The following CLEC6A variants were observed in gnomAD, a reference collection of about 807,000 sequenced individuals.
The protein encoded by CLEC6A is C-type lectin domain containing 6A.
CLEC6A carries 22 observed loss-of-function variants against 25.7 expected under a neutral mutation model. The observed-to-expected ratio is 0.85, with a 90% CI of 0.61 to 1.22. CLEC6A has a LOEUF of 1.22. Ranked by LOEUF, CLEC6A falls within the 50% of genes most tolerant of loss-of-function variation. The pLI is 0.00. For missense variants in CLEC6A, 240 were observed against 236.8 expected, an observed-to-expected ratio of 1.01 and a Z score of -0.09; for synonymous variants, 92 against 76.7, an observed-to-expected ratio of 1.20 and a Z score of -1.04.
intron 4 of CLEC6A, among the ~76,000 whole-genome samples, chr12:8,472,872 T>C (rs1418764468): frequency 6.6e-6 from 1 of 152,106 alleles, no homozygotes; most frequent in Non-Finnish European, 1.5e-5. Context: ...AGTGTAGTAC[T>C]CAATAGTTAG....
Position 8,459,651 on chromosome 12 carries a change from C to A in CLEC6A, c.176C>A (p.Ser59Ter), listed in dbSNP as rs769178216. The A allele has an allele frequency of 4.3e-6, 7 of 1,613,572 alleles. No individual in the cohort carries two copies. The African/African-American group carries it at 9.3e-5, about 22-fold the overall frequency. The change falls in exon 3 of 6, where the codon TCA becomes TAA. Residue 59 changes from serine to a stop codon, truncating the protein, a stop_gained. Coordinates refer to ENST00000382073, the MANE Select transcript of CLEC6A (RefSeq NM_001007033.2). LOFTEE classifies it high-confidence loss of function. ...GGCAAAAGGCTGTCTGAACTACACT[C>A]ATATCATTCAAGTCTCACCTGCTTC... ...ETGKRLSELH[S>*]YHSSLTCFSE...
At position 8,457,886 on chromosome 12, in the gene CLEC6A, C is replaced by T; in HGVS notation, c.32-12C>T. 5 of 1,609,940 alleles carry T rather than the reference C, an allele frequency of 3.1e-6. No individual in the cohort carries two copies. The highest frequency in any genetic ancestry group is 2.2e-5 in the East Asian group (1 of 44,844). On this transcript the variant is annotated splice_polypyrimidine_tract_variant and intron_variant, in intron 1 of 5. Coordinates refer to ENST00000382073, the MANE Select transcript of CLEC6A (RefSeq NM_001007033.2). ...CCTGGTAACTGCATTTGTTGTCTTC[C>T]TGATTGGACAGAGAAAAGAGGCTGG...
At chr12:8,462,513 T>G (rs1456724545) in intron 3 of CLEC6A, among the ~76,000 whole-genome samples, 2 of 140,596 alleles carry the variant, frequency 1.4e-5, no homozygotes, top group African/African-American at 5.2e-5. Context: ...AAAACCGCCT[T>G]AGGGCTGGAG....
intron 3 of CLEC6A, among the ~76,000 whole-genome samples, chr12:8,462,229 A>T (rs1473496996): frequency 7.0e-4 from 101 of 143,802 alleles, no homozygotes; most frequent in South Asian, 2.3e-3. Flanking sequence ...ACACTGCGGA[A>T]GGCCGCAGGG....
chr12:8,460,860 C>A, intron 3 of CLEC6A: 1 of 902,384 alleles, frequency 1.1e-6, no homozygotes, highest in Non-Finnish European at 1.9e-6. Context: ...GTACAACTTA[C>A]CGCAAGCCTG....
chr12:8,475,535 C>T (rs1318868226), intron 4 of CLEC6A, among the ~76,000 whole-genome samples: 1 of 151,844 alleles, frequency 6.6e-6, no homozygotes, highest in Non-Finnish European at 1.5e-5. Context: ...CCAGGGGAAC[C>T]AATGGTGTAA....
intron 3 of CLEC6A, chr12:8,461,072 C>G: frequency 3.8e-6 from 6 of 1,595,844 alleles, no homozygotes; most frequent in Non-Finnish European, 5.1e-6. Context: ...CAGTGGATCA[C>G]CAAACCAGTC....
chr12:8,468,853 A>C (rs975830334), intron 4 of CLEC6A, among the ~76,000 whole-genome samples: 3 of 152,158 alleles, frequency 2.0e-5, no homozygotes, highest in Non-Finnish European at 4.4e-5. Context: ...GAAAAGTTAA[A>C]ATCATTCCCC....
intron 4 of CLEC6A, among the ~76,000 whole-genome samples, chr12:8,469,678 T>C (rs1349228611): frequency 6.6e-6 from 1 of 152,076 alleles, no homozygotes; most frequent in Non-Finnish European, 1.5e-5. Context: ...AAACGTAAAG[T>C]GGGAAAAGGA....
intron 3 of CLEC6A, among the ~76,000 whole-genome samples, chr12:8,464,182 CACTT>C (rs1939799283): frequency 6.6e-6 from 1 of 151,812 alleles, no homozygotes; most frequent in Non-Finnish European, 1.5e-5. Flanking sequence ...GGTTTTTAAT[CACTT>C]AATATGTAAT....
At chr12:8,457,371 G>A (rs1939691457) in intron 1 of CLEC6A, among the ~76,000 whole-genome samples, 1 of 152,144 alleles carries the variant, frequency 6.6e-6, no homozygotes, top group East Asian at 1.9e-4. Flanking sequence ...GATGTCCTCT[G>A]GTTCCATCTG....
rs1555116229 is a variant in CLEC6A, at chr12:8,459,627, G to A, written c.152G>A (p.Gly51Asp). Reference protein sequence around the residue: ...VTYHFTYGETGKRLSELHSYH... With the variant: ...VTYHFTYGETDKRLSELHSYH... ...TACCATTTTACATATGGTGAAACTG[G>A]CAAAAGGCTGTCTGAACTACACTCA... The change falls in exon 3 of 6, where the codon GGC becomes GAC. Residue 51 changes from glycine to aspartate, a missense_variant. Transcript: ENST00000382073. 3 of 1,612,388 alleles carry A rather than the reference G, an allele frequency of 1.9e-6. No homozygotes were observed. The highest frequency in any genetic ancestry group is 2.5e-6 in the Non-Finnish European group (3 of 1,178,516).
chr12:8,465,744 T>C (rs1017825572), intron 4 of CLEC6A, 115 bp downstream of exon 4: 52 of 808,084 alleles, frequency 6.4e-5, no homozygotes, highest in Admixed American at 1.7e-4. Context: ...TTCACATTAC[T>C]GGGTAACAGA....
At chr12:8,469,203 A>C (rs1325702076) in intron 4 of CLEC6A, among the ~76,000 whole-genome samples, 1 of 152,158 alleles carries the variant, frequency 6.6e-6, no homozygotes, top group Non-Finnish European at 1.5e-5. Context: ...GCAAAACAAA[A>C]ATATTTAGGA....
chr12:8,474,827 A>G (rs1304157079), intron 4 of CLEC6A, among the ~76,000 whole-genome samples: 5 of 152,188 alleles, frequency 3.3e-5, no homozygotes, highest in Non-Finnish European at 7.3e-5. Flanking sequence ...GACTATAGTT[A>G]AAACCTAGTG....
chr12:8,462,168 G>C (rs1565482195), intron 3 of CLEC6A, among the ~76,000 whole-genome samples: 1 of 151,830 alleles, frequency 6.6e-6, no homozygotes. Flanking sequence ...AAGGCAGCAT[G>C]CTCCTTAAGA....
intron 4 of CLEC6A, among the ~76,000 whole-genome samples, chr12:8,472,070 G>A (rs1939912513): frequency 6.6e-6 from 1 of 151,704 alleles, no homozygotes; most frequent in Non-Finnish European, 1.5e-5. Flanking sequence ...TTACATTTAG[G>A]CATCAAAAAA....
In CLEC6A at chr12:8,478,329, A is replaced by G. The variant is rs1940006577; in HGVS notation, c.*865A>G. On this transcript the variant is annotated 3_prime_UTR_variant, in exon 6 of 6. Transcript: ENST00000382073. ...ATAAAAACCTCAACAAATTTTCCAA[A>G]CAACTACCAAAATGGTCATTAATCT... 1 of 151,990 alleles carries G rather than the reference A, an allele frequency of 6.6e-6. No homozygotes were observed. The allele number at this position is 151,990 out of a possible 1,614,324, so 9.4% of individuals were successfully genotyped here.
chr12:8,461,490 C>T (rs1322149712), intron 3 of CLEC6A, among the ~76,000 whole-genome samples: 1 of 152,152 alleles, frequency 6.6e-6, no homozygotes, highest in Non-Finnish European at 1.5e-5. Context: ...ATCCATCTGG[C>T]ATAAGAGACT....
Sources: allele counts gnomAD v4.1 joint callset (sites outside exome capture counted in the v4.1 genomes callset), GRCh38; gene constraint gnomAD v4.1.1; transcripts MANE v1.5; gene names NCBI Gene and HGNC (gene_info 2026-07-23, HGNC 2026-07-21).